The following KIRREL2 variants were observed in gnomAD, a reference collection of about 807,000 sequenced individuals.
KIRREL2 encodes kirre like nephrin family adhesion molecule 2.
Under a neutral mutation model 73.4 loss-of-function variants are expected in KIRREL2, and 56 were observed. The observed-to-expected ratio is 0.76, with a 90% confidence interval of 0.62 to 0.95. KIRREL2 has a LOEUF of 0.95. KIRREL2 is among the 40% of genes least tolerant of loss of function. KIRREL2 has a pLI of 0.00. For missense variants in KIRREL2, 896 were observed against 935.0 expected, an observed-to-expected ratio of 0.96 and a Z score of 0.54; for synonymous variants, 407 against 404.0, an observed-to-expected ratio of 1.01 and a Z score of -0.09.
chr19:35,856,662 T>G, upstream of KIRREL2: 1 of 307,126 alleles, frequency 3.3e-6, no homozygotes, highest in South Asian at 2.8e-5. The surrounding 1 kb of genome is among the most constrained non-coding windows in gnomAD (Gnocchi z 5.9). Flanking sequence ...CCTCACCCCT[T>G]GCCTGCCCCT....
upstream of KIRREL2, among the ~76,000 whole-genome samples, chr19:35,854,511 C>T (rs552331798): frequency 6.1e-4 from 92 of 151,866 alleles, no homozygotes; most frequent in South Asian, 9.2e-3. Flanking sequence ...TTAGTAAAGA[C>T]GGGGTTTCTC....
At chr19:35,855,820 C>T (rs1389393059), upstream of KIRREL2, 1 of 152,092 alleles carries the variant, frequency 6.6e-6, no homozygotes, top group African/African-American at 2.4e-5. Flanking sequence ...AGACTTAAGA[C>T]CAGATATTCT....
At chr19:35,853,837 AT>A (rs759219505), upstream of KIRREL2, among the ~76,000 whole-genome samples, 6,834 of 69,352 alleles carry the variant, frequency 0.099, 303 homozygotes, top group African/African-American at 0.2. Context: ...CACTCTGGCT[AT>A]TTTTTTTTTT....
Position 35,857,427 on chromosome 19 carries a change from C to T in KIRREL2, c.144C>T (p.Gly48=), listed in dbSNP as rs138459462. Residue 48 remains glycine, a synonymous_variant, in exon 2 of 15, where the codon GGC becomes GGT. Coordinates refer to ENST00000360202, the MANE Select transcript of KIRREL2 (RefSeq NM_199180.4). The stretch of plus-strand genomic sequence containing the variant: ...AAGCCCGGCTGCCGTGTGCTCTGGG[C>T]GCCTACTGGGGGCTAGTTCAGTGGA... The part of the protein sequence containing the change: ...GEEARLPCAL[G]AYWGLVQWTK... 1.2e-6 allele frequency: 2 copies of T among 1,612,774 alleles called. No individual in the cohort carries two copies. Among genetic ancestry groups the T allele is most frequent in the East Asian group, 2.2e-5 (1 of 44,884 alleles).
chr19:35,863,834 C>T (rs916190525), intron 13 of KIRREL2, among the ~76,000 whole-genome samples: 3 of 150,288 alleles, frequency 2.0e-5, no homozygotes, highest in Non-Finnish European at 4.4e-5. Flanking sequence ...AGTGCAGTGG[C>T]GCGAACTCGA....
At chr19:35,860,183 A>G in intron 5 of KIRREL2, 114 bp from the exon 6 acceptor site, 1 of 780,840 alleles carries the variant, frequency 1.3e-6, no homozygotes. Context: ...TCAAAGGGAG[A>G]AGGGGATTAG....
rs2146892300 is a variant in KIRREL2, at chr19:35,866,857, G to A, written c.*365G>A. On this transcript the variant is annotated 3_prime_UTR_variant, in exon 15 of 15. Coordinates refer to ENST00000360202, the MANE Select transcript of KIRREL2 (RefSeq NM_199180.4). Reference sequence around the variant, plus strand: ...ATATTTCAAGATGACCATCTGCATTGAGAGGAAAGGTAGCATAGGATAGAT... The same window carrying A: ...ATATTTCAAGATGACCATCTGCATTAAGAGGAAAGGTAGCATAGGATAGAT... The A allele has an allele frequency of 2.7e-6, 1 of 373,326 alleles. No homozygotes were observed. The highest frequency in any genetic ancestry group is 2.2e-5 in the African/African-American group (1 of 46,302). 23.1% of individuals were successfully genotyped at this position (373,326 alleles called of 1,614,324 possible).
chr19:35,862,540 A>G lies in KIRREL2; in HGVS notation c.1558A>G (p.Thr520Ala). 1.2e-6 allele frequency: 2 copies of G among 1,610,614 alleles called. No individual in the cohort carries two copies. The highest frequency in any genetic ancestry group is 1.7e-6 in the Non-Finnish European group (2 of 1,179,972). ...RIVAGVAAAT[T>A]TLLMVITGVA... is the part of the protein sequence containing the mutation. ...AGTGGCCGGAGTGGCCGCTGCCACC[A>G]CAACTCTCCTTATGGTCATCACTGG... is the stretch of plus-strand genomic sequence containing the variant. Residue 520 changes from threonine to alanine, a missense_variant, in exon 12 of 15, where the codon ACA becomes GCA. Coordinates refer to ENST00000360202, the MANE Select transcript of KIRREL2 (RefSeq NM_199180.4).
chr19:35,857,531 A>G, intron 2 of KIRREL2, 37 bp downstream of exon 2: 1 of 1,506,452 alleles, frequency 6.6e-7, no homozygotes, highest in Non-Finnish European at 8.9e-7. Flanking sequence ...CGGGCTGGCT[A>G]GGGGGAGAGT....
intron 14 of KIRREL2, 86 bp downstream of exon 14, chr19:35,864,799 G>T (rs1386367130): frequency 9.6e-7 from 1 of 1,043,764 alleles, no homozygotes; most frequent in East Asian, 2.5e-5. Flanking sequence ...TCCCACGCCT[G>T]TCCCCTCCTT....
upstream of KIRREL2, among the ~76,000 whole-genome samples, chr19:35,856,175 T>G (rs1599854350): frequency 6.6e-6 from 1 of 152,182 alleles, no homozygotes; most frequent in Non-Finnish European, 1.5e-5. The surrounding 1 kb of genome is among the most constrained non-coding windows in gnomAD (Gnocchi z 5.9). Context: ...ACGCCCCAGC[T>G]GGGCTGCATG....
intron 13 of KIRREL2, among the ~76,000 whole-genome samples, 178 bp from the exon 14 acceptor site, chr19:35,864,470 A>C (rs369993056): frequency 2.6e-5 from 4 of 151,942 alleles, no homozygotes; most frequent in Non-Finnish European, 1.5e-5. Context: ...GATTACATGC[A>C]TGAGCCACTG....
intron 4 of KIRREL2, 30 bp downstream of exon 4, chr19:35,858,894 G>A: frequency 6.2e-7 from 1 of 1,611,518 alleles, no homozygotes; most frequent in African/African-American, 1.3e-5. Context: ...GCTAGCCTTT[G>A]CCCATTGAGG....
chr19:35,856,871 C>T (rs943282403), upstream of KIRREL2: 1 of 569,350 alleles, frequency 1.8e-6, no homozygotes, highest in Non-Finnish European at 3.1e-6. This position sits in a 1 kb window ranked among gnomAD's most constrained non-coding sequence, Gnocchi z 5.9. Flanking sequence ...GGGGCGGACC[C>T]GGGCGGGGCG....
intron 5 of KIRREL2, 47 bp from the exon 6 acceptor site, chr19:35,860,250 A>G (rs1435134338): frequency 2.7e-6 from 4 of 1,501,526 alleles, no homozygotes; most frequent in Non-Finnish European, 3.7e-6. Context: ...CCAGTGACGG[A>G]GGTGTTCCTG....
In KIRREL2 at chr19:35,860,656, T is replaced by A; in HGVS notation, c.917T>A (p.Leu306Gln). 6.2e-7 allele frequency: 1 copy of A among 1,602,588 alleles called. No homozygotes were observed. Among genetic ancestry groups the A allele is most frequent in the Non-Finnish European group, 8.5e-7 (1 of 1,179,814 alleles). ...GGTAGCGCCAACCGCAGTACTGCGCTGGATGTGCTGTGTGAGCTGGGGCCG... is the reference window on the plus strand; with the variant it reads ...GGTAGCGCCAACCGCAGTACTGCGCAGGATGTGCTGTGTGAGCTGGGGCCG... Reference protein sequence around the residue: ...AVGSANRSTALDVLFGPILQA... With the variant: ...AVGSANRSTAQDVLFGPILQA... The change falls in exon 7 of 15, where the codon CTG becomes CAG. Residue 306 changes from leucine (L) to glutamine (Q), a missense_variant. Transcript: ENST00000360202.
At chr19:35,853,774 G>A (rs1973339798), upstream of KIRREL2, among the ~76,000 whole-genome samples, 1 of 150,932 alleles carries the variant, frequency 6.6e-6, no homozygotes, top group African/African-American at 2.4e-5. Context: ...CTAGGCTCAA[G>A]TGTTCTTTCT....
At position 35,861,739 on chromosome 19, in the gene KIRREL2, A is replaced by G. The variant is rs556736614; in HGVS notation, c.1291-66A>G. 4.4e-6 allele frequency: 7 copies of G among 1,586,764 alleles called. No individual in the cohort carries two copies. The South Asian group carries it at 6.7e-5, about 15-fold the overall frequency. On this transcript the variant is annotated intron_variant, in intron 10 of 14. Transcript: ENST00000360202. ...ACTGTGACCATTTCTGACTTCCCAG[A>G]CATCCCTCCTGCTTCTTCCTCCCCT...
At chr19:35,855,964 C>G (rs370955865), upstream of KIRREL2, 26 of 152,408 alleles carry the variant, frequency 1.7e-4, no homozygotes, top group African/African-American at 6.3e-4. Flanking sequence ...CCTTATAACC[C>G]TGTAAGTCCA....
Sources: allele counts gnomAD v4.1 joint callset (sites outside exome capture counted in the v4.1 genomes callset), GRCh38; gene constraint gnomAD v4.1.1; non-coding constraint Gnocchi (gnomAD v3.1); transcripts MANE v1.5; gene names NCBI Gene and HGNC (gene_info 2026-07-23, HGNC 2026-07-21).